The following ARHGEF33 variants were observed in gnomAD, a reference collection of about 807,000 sequenced individuals.
ARHGEF33 encodes DH and coiled-coil domain-containing protein ENSP00000381780.
In ARHGEF33, 72 loss-of-function variants were observed where a neutral mutation model predicts 101.9. That is an observed-to-expected ratio of 0.71 (90% CI 0.58 to 0.86). ARHGEF33 has a LOEUF of 0.86. Among genes scored for constraint, ARHGEF33 ranks in the 40% least tolerant of loss-of-function variants. The pLI is 0.00. For missense variants in ARHGEF33, 1,169 were observed against 1,111.3 expected (o/e 1.05, Z -0.74); for synonymous variants, 499 against 442.5 (o/e 1.13, Z -1.60).
chr2:38,904,972 A>G (rs1666355610), intron 2 of ARHGEF33, among the ~76,000 whole-genome samples: 1 of 152,144 alleles, frequency 6.6e-6, no homozygotes, highest in African/African-American at 2.4e-5. Context: ...CAGCTGGTGA[A>G]TTTTAGGATG....
intron 2 of ARHGEF33, among the ~76,000 whole-genome samples, chr2:38,912,401 A>G (rs1416510778): frequency 6.6e-6 from 1 of 152,264 alleles, no homozygotes; most frequent in East Asian, 1.9e-4. Flanking sequence ...TCATAATCAT[A>G]GCAAGGCTTT....
At chr2:38,937,180 G>A in intron 8 of ARHGEF33, 155 bp from the exon 9 acceptor site, 1 of 578,778 alleles carries the variant, frequency 1.7e-6, no homozygotes, top group Non-Finnish European at 3.1e-6. Flanking sequence ...ATTTTTAGTA[G>A]AGACAGGGTT....
At chr2:38,914,627 A>T (rs1458197162) in intron 2 of ARHGEF33, among the ~76,000 whole-genome samples, 1 of 146,942 alleles carries the variant, frequency 6.8e-6, no homozygotes, top group Non-Finnish European at 1.5e-5. Flanking sequence ...GGATCTCACC[A>T]CTGTACTCCA....
intron 7 of ARHGEF33, among the ~76,000 whole-genome samples, chr2:38,934,981 C>T (rs1406934745): frequency 5.4e-5 from 8 of 148,640 alleles, no homozygotes; most frequent in Non-Finnish European, 1.2e-4. Context: ...CTGACGTGTT[C>T]AAGGAATACC....
chr2:38,895,686 C>G (rs191213038), intron 1 of ARHGEF33, 91 bp from the exon 2 acceptor site: 1 of 151,322 alleles, frequency 6.6e-6, no homozygotes, highest in East Asian at 1.9e-4. Flanking sequence ...ATAATAAGAA[C>G]TTTTAATTAC....
chr2:38,974,379 T>G lies in ARHGEF33; in HGVS notation c.*536T>G, dbSNP rs1474158170. 1 of 152,224 alleles carries G rather than the reference T, an allele frequency of 6.6e-6. No homozygotes were observed. Among genetic ancestry groups the G allele is most frequent in the Non-Finnish European group, 1.5e-5 (1 of 68,042 alleles). 9.4% of individuals were successfully genotyped at this position (152,224 alleles called of 1,614,324 possible). On this transcript the variant is annotated 3_prime_UTR_variant, in exon 18 of 18. Transcript: ENST00000409978. ...GGCAAAGGATTAATTAACAGAACTG[T>G]ATTTTATATGTTGCATATCTGAGTT...
chr2:38,960,296 T>C lies in ARHGEF33; in HGVS notation c.1991T>C (p.Met664Thr), dbSNP rs1300619235. ...TTCCTGCGGCCCGTCAGCTTCGCCA[T>C]GGAGGCCGAGCGGCCGGAGCACCCG... ...ICFLRPVSFAMEAERPEHPLQ... is the reference protein window; with the variant it reads ...ICFLRPVSFATEAERPEHPLQ... The change falls in exon 16 of 18, where the codon ATG becomes ACG. Residue 664 changes from methionine to threonine, a missense_variant. Transcript: ENST00000409978. 13 of 1,546,070 alleles carry C rather than the reference T, an allele frequency of 8.4e-6. No homozygotes were observed. Among genetic ancestry groups the C allele is most frequent in the African/African-American group, 1.4e-5 (1 of 72,832 alleles).
At position 38,897,328 on chromosome 2, in the gene ARHGEF33, T is replaced by C. The variant is rs143667326; in HGVS notation, c.-86+1479T>C. On this transcript the variant is annotated intron_variant, in intron 2 of 17. Coordinates refer to ENST00000409978, the MANE Select transcript of ARHGEF33 (RefSeq NM_001145451.5). Reference sequence around the variant, plus strand: ...ATACTTTTCACAGTATCACACTTTCTATCCACTTAAATAAAAAAACAGAGG... The same window carrying C: ...ATACTTTTCACAGTATCACACTTTCCATCCACTTAAATAAAAAAACAGAGG... 4.2e-3 allele frequency among the ~76,000 whole-genome samples: 634 copies of C among 152,336 alleles called. 5 individuals carry two copies. Among genetic ancestry groups the C allele is most frequent in the African/African-American group, 0.015 (606 of 41,564 alleles).
chr2:38,911,105 G>C (rs751735169), intron 2 of ARHGEF33, among the ~76,000 whole-genome samples: 6 of 152,096 alleles, frequency 3.9e-5, no homozygotes, highest in Non-Finnish European at 8.8e-5. Flanking sequence ...TGAACAAACA[G>C]GGTGTTACTG....
chr2:38,914,093 T>G (rs2124987765), intron 2 of ARHGEF33, among the ~76,000 whole-genome samples: 1 of 152,326 alleles, frequency 6.6e-6, no homozygotes, highest in South Asian at 2.1e-4. Flanking sequence ...ACTAAAAATG[T>G]TAACATCCAC....
intron 12 of ARHGEF33, among the ~76,000 whole-genome samples, chr2:38,953,796 T>C (rs923096982): frequency 6.6e-6 from 1 of 152,242 alleles, no homozygotes; most frequent in Non-Finnish European, 1.5e-5. Flanking sequence ...TGAGAGGCTC[T>C]GTCTTACTAA....
At chr2:38,939,170 C>T (rs1372881108) in intron 9 of ARHGEF33, among the ~76,000 whole-genome samples, 1 of 152,120 alleles carries the variant, frequency 6.6e-6, no homozygotes, top group Non-Finnish European at 1.5e-5. Context: ...ACAGGGTTTT[C>T]ACTGTGTTGG....
chr2:38,938,764 T>A (rs1667222545), intron 9 of ARHGEF33, among the ~76,000 whole-genome samples: 1 of 152,146 alleles, frequency 6.6e-6, no homozygotes, highest in Admixed American at 6.5e-5. Flanking sequence ...AAAGAACCAC[T>A]ATTATGACTT....
chr2:38,960,784 G>A (rs1667914220), intron 16 of ARHGEF33, 136 bp downstream of exon 16: 5 of 708,514 alleles, frequency 7.1e-6, no homozygotes, highest in Admixed American at 1.2e-4. Context: ...AGCCGTCGGC[G>A]GGTGGAGGCG....
At chr2:38,955,877 G>A (rs996152922) in intron 13 of ARHGEF33, among the ~76,000 whole-genome samples, 2 of 151,892 alleles carry the variant, frequency 1.3e-5, no homozygotes, top group South Asian at 2.1e-4. Context: ...GGGTTTCACC[G>A]TGTTAGCCAG....
chr2:38,900,324 G>T (rs1558422503), intron 2 of ARHGEF33, among the ~76,000 whole-genome samples: 1 of 152,168 alleles, frequency 6.6e-6, no homozygotes, highest in South Asian at 2.1e-4. Context: ...ATAGGGGCAA[G>T]CTTCATAGAG....
At chr2:38,921,620 T>C (rs1666759228) in intron 4 of ARHGEF33, among the ~76,000 whole-genome samples, 197 bp downstream of exon 4, 1 of 152,216 alleles carries the variant, frequency 6.6e-6, no homozygotes, top group African/African-American at 2.4e-5. Context: ...TGATTTTTTT[T>C]TGAGACAGGG....
Position 38,960,015 on chromosome 2 carries a change from G to GCCCCTGCAGGCCATC in ARHGEF33, c.1713_1727dup (p.Leu572_Pro576dup). 6.5e-7 allele frequency: 1 copy of GCCCCTGCAGGCCATC among 1,547,380 alleles called. No homozygotes were observed. The highest frequency in any genetic ancestry group is 8.7e-7 in the Non-Finnish European group (1 of 1,144,754). The stretch of plus-strand genomic sequence containing the variant: ...AGCAGGACGTGAAGGCGCTGGCCGG[G>GCCCCTGCAGGCCATC]CCCCTGCAGGCCATCCCGGAGATGG... On this transcript the variant is annotated inframe_insertion, in exon 16 of 18. Transcript: ENST00000409978.
intron 12 of ARHGEF33, 136 bp downstream of exon 12, chr2:38,953,381 A>G (rs568356198): frequency 3.3e-6 from 2 of 610,288 alleles, no homozygotes; most frequent in African/African-American, 1.8e-5. Context: ...CACTAATACC[A>G]CTACCTGGCA....
Sources: allele counts gnomAD v4.1 joint callset (sites outside exome capture counted in the v4.1 genomes callset), GRCh38; gene constraint gnomAD v4.1.1; transcripts MANE v1.5; gene names NCBI Gene and HGNC (gene_info 2026-07-23, HGNC 2026-07-21).